The following PKHD1L1 variants were observed in gnomAD, a reference collection of about 807,000 sequenced individuals.
PKHD1L1 encodes the protein PKHD1 like 1.
PKHD1L1 carries 434 observed loss-of-function variants against 462.9 expected under a neutral mutation model. That is an observed-to-expected ratio of 0.94 (90% CI 0.87 to 1.02). PKHD1L1 has a LOEUF of 1.02. Among genes scored for constraint, PKHD1L1 ranks in the 50% least tolerant of loss-of-function variants. The pLI is 0.00. For missense variants in PKHD1L1, 5,202 were observed against 5,096.1 expected (o/e 1.02, Z -0.63); for synonymous variants, 1,781 against 1,750.0 (o/e 1.02, Z -0.44).
Position 109,384,397 on chromosome 8 carries a change from G to A in PKHD1L1, c.475+270G>A, listed in dbSNP as rs867022842. ...CTAAAAAATAAAAATAAATAAATTAGCCAGGCTTGGTGGCAAGCACCTTTA... is the reference window on the plus strand; with the variant it reads ...CTAAAAAATAAAAATAAATAAATTAACCAGGCTTGGTGGCAAGCACCTTTA... On this transcript the variant is annotated intron_variant, in intron 5 of 77. Transcript: ENST00000378402. 3.9e-5 allele frequency among the ~76,000 whole-genome samples: 6 copies of A among 152,002 alleles called. No homozygotes were observed. In the Middle Eastern group the frequency reaches 0.014, roughly 345 times the overall value.
rs761281494 is a variant in PKHD1L1 at position 109,464,300 on chromosome 8, G to A, written c.7468G>A (p.Val2490Ile). The A allele has an allele frequency of 6.2e-7, 1 of 1,613,088 alleles. No homozygotes were observed. The highest frequency in any genetic ancestry group is 1.7e-5 in the Admixed American group (1 of 59,896). The change falls in exon 49 of 78, where the codon GTA becomes ATA. Residue 2490 changes from valine (V) to isoleucine (I), a missense_variant. Physicochemically the swap from Val to Ile is conservative, Grantham distance 29 (BLOSUM62 3). Coordinates refer to ENST00000378402, the MANE Select transcript of PKHD1L1 (RefSeq NM_177531.6). The stretch of plus-strand genomic sequence containing the variant: ...TGGAGACTTACAGTTTAAATCTTAT[G>A]TAAGAGGCTGTGCAATTCACCAGGC... ...LLGDLQFKSY[V>I]RGCAIHQAYN...
In PKHD1L1 at chr8:109,477,260, A is replaced by G; in HGVS notation, c.8953A>G (p.Ile2985Val). The change falls in exon 53 of 78, where the codon ATT becomes GTT. Residue 2985 changes from isoleucine (I) to valine (V), a missense_variant. Around this residue, in one of 3 missense-constraint regions of PKHD1L1, gnomAD observed 4,497 missense variants for 4,336.8 expected, o/e 1.04. Transcript: ENST00000378402. ...AAATGACCTTCATCAGAGTCAGCTCATTTCTGGGAACCTGGATCCTGATGT... is the reference window on the plus strand; with the variant it reads ...AAATGACCTTCATCAGAGTCAGCTCGTTTCTGGGAACCTGGATCCTGATGT... Reference protein sequence around the residue: ...GRNDLHQSQLISGNLDPDVKD... With the variant: ...GRNDLHQSQLVSGNLDPDVKD... 3.1e-6 allele frequency: 5 copies of G among 1,613,432 alleles called. No individual in the cohort carries two copies. Among genetic ancestry groups the G allele is most frequent in the Non-Finnish European group, 4.2e-6 (5 of 1,179,592 alleles).
intron 60 of PKHD1L1, 99 bp downstream of exon 60, chr8:109,490,154 T>A: frequency 1.4e-6 from 1 of 734,900 alleles, no homozygotes; most frequent in Non-Finnish European, 2.1e-6. Context: ...TTAGCTAAAA[T>A]TATAATCTAA....
chr8:109,508,237 G>T lies in PKHD1L1; in HGVS notation c.11368G>T (p.Gly3790Cys). 6.2e-7 allele frequency: 1 copy of T among 1,610,990 alleles called. No homozygotes were observed. The highest frequency in any genetic ancestry group is 8.5e-7 in the Non-Finnish European group (1 of 1,178,768). ...TRRLSPVAIMGNGYVDLINGP... is the reference protein window; with the variant it reads ...TRRLSPVAIMCNGYVDLINGP... ...AAGACTTTCCCCAGTGGCTATAATGGGCAACGGTTATGTTGATCTTATTAA... is the reference window on the plus strand; with the variant it reads ...AAGACTTTCCCCAGTGGCTATAATGTGCAACGGTTATGTTGATCTTATTAA... The change falls in exon 70 of 78, where the codon GGC (glycine) becomes TGC (cysteine). Residue 3790 changes from glycine to cysteine, a missense_variant. Physicochemically the swap from Gly to Cys is radical, Grantham distance 159 (BLOSUM62 -3). Around this residue, in one of 3 missense-constraint regions of PKHD1L1, gnomAD observed 698 missense variants for 736.3 expected, o/e 0.95. Transcript: ENST00000378402.
intron 76 of PKHD1L1, among the ~76,000 whole-genome samples, chr8:109,526,242 C>A (rs1820807507): frequency 6.6e-6 from 1 of 152,206 alleles, no homozygotes; most frequent in Admixed American, 6.5e-5. Flanking sequence ...AAAATAGCAT[C>A]TAACTTCAAA....
chr8:109,445,344 C>G lies in PKHD1L1; in HGVS notation c.5475C>G (p.Asn1825Lys). 1 of 1,613,942 alleles carries G rather than the reference C, an allele frequency of 6.2e-7. No homozygotes were observed. Among genetic ancestry groups the G allele is most frequent in the Admixed American group, 1.7e-5 (1 of 60,012 alleles). Residue 1825 changes from asparagine to lysine, a missense_variant, in exon 38 of 78, where the codon AAC (asparagine) becomes AAG (lysine). By Grantham distance (94) the Asn-to-Lys change is moderately conservative (BLOSUM62 0). This residue lies in a region of PKHD1L1 where 4,497 missense variants were observed against 4,336.8 expected (regional missense o/e 1.04). Transcript: ENST00000378402. ...GAAGTAAAGGCTTGGCTCTGGGAAA[C>G]CTGACTGTCAGCAGCCCCCCAGTAG... ...VVGSKGLALG[N>K]LTVSSPPVAS...
intron 44 of PKHD1L1, among the ~76,000 whole-genome samples, 174 bp downstream of exon 44, chr8:109,454,420 T>C (rs919238552): frequency 6.6e-6 from 1 of 152,170 alleles, no homozygotes; most frequent in Non-Finnish European, 1.5e-5. Context: ...TCCCAGAATC[T>C]TGTGTTTTTA....
intron 70 of PKHD1L1, among the ~76,000 whole-genome samples, chr8:109,510,161 GATTA>G (rs1819893381): frequency 6.6e-6 from 1 of 152,080 alleles, no homozygotes; most frequent in Admixed American, 6.6e-5. Context: ...AATGGAGGAA[GATTA>G]ATTACTTGAT....
At chr8:109,490,936 T>C in intron 60 of PKHD1L1, 36 bp from the exon 61 acceptor site, 1 of 1,501,226 alleles carries the variant, frequency 6.7e-7, no homozygotes, top group Non-Finnish European at 9.0e-7. Flanking sequence ...TGTAATTTTA[T>C]TTTAAAAATG....
At chr8:109,504,032 T>C (rs1255757609) in intron 67 of PKHD1L1, among the ~76,000 whole-genome samples, 1 of 152,202 alleles carries the variant, frequency 6.6e-6, no homozygotes. Context: ...CAAGCTCCAA[T>C]ATGCAAGCAC....
intron 2 of PKHD1L1, among the ~76,000 whole-genome samples, chr8:109,375,581 T>A (rs997066872): frequency 1.3e-5 from 2 of 152,164 alleles, no homozygotes; most frequent in African/African-American, 4.8e-5. Flanking sequence ...GGTGCTCTGA[T>A]TTTTAGAGTT....
chr8:109,464,679 T>C lies in PKHD1L1; in HGVS notation c.7847T>C (p.Val2616Ala). 6.2e-7 allele frequency: 1 copy of C among 1,613,578 alleles called. No individual in the cohort carries two copies. The highest frequency in any genetic ancestry group is 8.5e-7 in the Non-Finnish European group (1 of 1,179,806). The change falls in exon 49 of 78, where the codon GTC becomes GCC. Residue 2616 changes from valine (V) to alanine (A), a missense_variant. By Grantham distance (64) the Val-to-Ala change is moderately conservative. Around this residue, in one of 3 missense-constraint regions of PKHD1L1, gnomAD observed 4,497 missense variants for 4,336.8 expected, o/e 1.04. Coordinates refer to ENST00000378402, the MANE Select transcript of PKHD1L1 (RefSeq NM_177531.6). ...CTTGGCGAATTTTTTAACAATACTG[T>C]CCATTCTCAAGGTTGGTTTGGAATG... Reference protein sequence around the residue: ...VPLGEFFNNTVHSQGWFGMWI... With the variant: ...VPLGEFFNNTAHSQGWFGMWI...
chr8:109,497,528 G>A (rs1819171842), intron 65 of PKHD1L1, among the ~76,000 whole-genome samples: 3 of 151,048 alleles, frequency 2.0e-5, no homozygotes, highest in Admixed American at 6.6e-5. Context: ...TGCCTCCCGG[G>A]TTCACATCCT....
At chr8:109,520,058 T>C (rs1328761221) in intron 73 of PKHD1L1, among the ~76,000 whole-genome samples, 2 of 152,148 alleles carry the variant, frequency 1.3e-5, no homozygotes, top group Non-Finnish European at 2.9e-5. Context: ...TGGAAGTTTC[T>C]TCCATTGGGG....
chr8:109,454,183 T>A lies in PKHD1L1; in HGVS notation c.6681T>A (p.Phe2227Leu). The stretch of plus-strand genomic sequence containing the variant: ...GATTCATAGGTGGGACTCTAATATT[T>A]GATGAAGCTGACATTGAACTCCAGG... Reference protein sequence around the residue: ...MLLIQGGTLIFDEADIELQAE... With the variant: ...MLLIQGGTLILDEADIELQAE... Residue 2227 changes from phenylalanine (F) to leucine (L), a missense_variant, in exon 44 of 78, where the codon TTT (phenylalanine) becomes TTA (leucine). Physicochemically the swap from Phe to Leu is conservative, Grantham distance 22 (BLOSUM62 0). Around this residue, in one of 3 missense-constraint regions of PKHD1L1, gnomAD observed 4,497 missense variants for 4,336.8 expected, o/e 1.04. Coordinates refer to ENST00000378402, the MANE Select transcript of PKHD1L1 (RefSeq NM_177531.6). 6.2e-7 allele frequency: 1 copy of A among 1,607,336 alleles called. No individual in the cohort carries two copies. Among genetic ancestry groups the A allele is most frequent in the Non-Finnish European group, 8.5e-7 (1 of 1,176,690 alleles).
Position 109,522,220 on chromosome 8 carries a change from T to A in PKHD1L1, c.12066T>A (p.Ala4022=). The change falls in exon 74 of 78, where the codon GCT becomes GCA. Residue 4022 remains alanine (A), a synonymous_variant. Coordinates refer to ENST00000378402, the MANE Select transcript of PKHD1L1 (RefSeq NM_177531.6). ...QMQLSELQEI[A]GSLGQAVILG... Reference sequence around the variant, plus strand: ...AGTTATCTGAACTCCAGGAAATTGCTGGTTCTCTTGGACAAGCTGTAATTT... The same window carrying A: ...AGTTATCTGAACTCCAGGAAATTGCAGGTTCTCTTGGACAAGCTGTAATTT... 1 of 1,604,648 alleles carries A rather than the reference T, an allele frequency of 6.2e-7. No homozygotes were observed. The highest frequency in any genetic ancestry group is 8.5e-7 in the Non-Finnish European group (1 of 1,172,400).
intron 60 of PKHD1L1, among the ~76,000 whole-genome samples, 183 bp downstream of exon 60, chr8:109,490,238 G>A (rs16879653): frequency 0.049 from 7,452 of 151,664 alleles, 430 homozygotes; most frequent in African/African-American, 0.14. Context: ...CATATTGTGC[G>A]TTTATTTAAG....
At chr8:109,483,161 A>G in intron 57 of PKHD1L1, 56 bp downstream of exon 57, 1 of 1,286,936 alleles carries the variant, frequency 7.8e-7, no homozygotes, top group East Asian at 2.8e-5. Context: ...TCAGCTGAAA[A>G]AAGTTTCTAT....
chr8:109,463,724 T>C (rs1211147280), intron 48 of PKHD1L1, among the ~76,000 whole-genome samples: 3 of 152,180 alleles, frequency 2.0e-5, no homozygotes, highest in Non-Finnish European at 2.9e-5. Context: ...AACAAGATGC[T>C]CAGCCTTTCT....
Sources: allele counts gnomAD v4.1 joint callset (sites outside exome capture counted in the v4.1 genomes callset), GRCh38; gene constraint gnomAD v4.1.1; regional missense constraint gnomAD v4.1.1; transcripts MANE v1.5; gene names NCBI Gene and HGNC (gene_info 2026-07-23, HGNC 2026-07-21).